SPAG16: variants seen among roughly 807,000 people sequenced by gnomAD.
SPAG16 encodes the protein sperm associated antigen 16, also known as sperm-associated antigen 16 protein.
A neutral mutation model predicts 80.4 loss-of-function variants in SPAG16; 86 were observed. The ratio of observed to expected loss-of-function variants is 1.07; its 90% CI spans 0.90 to 1.28. SPAG16 has a LOEUF of 1.28. Among genes scored for constraint, SPAG16 ranks in the 50% most tolerant of loss-of-function variants. SPAG16 has a pLI of 0.00. For missense variants in SPAG16, 870 were observed against 765.3 expected, an observed-to-expected ratio of 1.14 and a Z score of -1.61; for synonymous variants, 294 against 265.9, an observed-to-expected ratio of 1.11 and a Z score of -1.03.
intron 9 of SPAG16, chr2:213,422,163 G>T (rs1469602856): frequency 1.4e-6 from 1 of 700,162 alleles, no homozygotes; most frequent in African/African-American, 1.7e-5. Flanking sequence ...GAAGAGCTGT[G>T]GCCCTTCAGG....
chr2:213,988,432 T>A (rs2046122946), intron 12 of SPAG16, among the ~76,000 whole-genome samples: 1 of 152,010 alleles, frequency 6.6e-6, no homozygotes, highest in African/African-American at 2.4e-5. Flanking sequence ...AAATTAGAAA[T>A]CGATAAAGAT....
chr2:213,976,135 T>TATATATATATATATATACACACACAC (rs749957411), intron 12 of SPAG16, among the ~76,000 whole-genome samples: 12 of 81,402 alleles, frequency 1.5e-4, no homozygotes, highest in East Asian at 7.6e-4. Context: ...TATATATATA[T>TATATATATATATATATACACACACAC]ACACACACAC....
chr2:213,872,137 T>C (rs1237626298), intron 11 of SPAG16, among the ~76,000 whole-genome samples: 1 of 152,132 alleles, frequency 6.6e-6, no homozygotes, highest in Non-Finnish European at 1.5e-5. Context: ...ATTATCTAGG[T>C]TGACCCACTG....
At chr2:214,119,448 C>G (rs1487489971) in intron 14 of SPAG16, among the ~76,000 whole-genome samples, 1 of 152,014 alleles carries the variant, frequency 6.6e-6, no homozygotes, top group Admixed American at 6.6e-5. Flanking sequence ...AAAATTCAAT[C>G]TAAAGGAAAA....
intron 9 of SPAG16, among the ~76,000 whole-genome samples, chr2:213,456,183 C>T (rs2072001206): frequency 6.6e-6 from 1 of 152,172 alleles, no homozygotes; most frequent in Non-Finnish European, 1.5e-5. Flanking sequence ...TAAGTTTTTT[C>T]ATGTCTCCCA....
chr2:213,993,897 G>A (rs16851244), intron 12 of SPAG16, among the ~76,000 whole-genome samples: 2,181 of 152,222 alleles, frequency 0.014, 58 homozygotes, highest in African/African-American at 0.049. Context: ...TCCTAAGCTG[G>A]CCACTTTGTT....
At chr2:214,269,504 G>GATC (rs1315321013) in intron 15 of SPAG16, among the ~76,000 whole-genome samples, 1 of 151,868 alleles carries the variant, frequency 6.6e-6, no homozygotes, top group African/African-American at 2.4e-5. Flanking sequence ...TTTATTTTTT[G>GATC]ATCAGTGAAA....
chr2:213,834,759 T>G (rs2073984417), intron 10 of SPAG16, among the ~76,000 whole-genome samples: 1 of 152,156 alleles, frequency 6.6e-6, no homozygotes, highest in South Asian at 2.1e-4. Flanking sequence ...TGGGGTATCA[T>G]TTTCTGAGTC....
chr2:213,607,650 C>T (rs1341506237), intron 10 of SPAG16, among the ~76,000 whole-genome samples: 1 of 152,218 alleles, frequency 6.6e-6, no homozygotes, highest in Non-Finnish European at 1.5e-5. Flanking sequence ...CCGGAATCTA[C>T]TGATTCAAAA....
chr2:213,648,922 T>C (rs1160808624), intron 10 of SPAG16, among the ~76,000 whole-genome samples: 1 of 152,156 alleles, frequency 6.6e-6, no homozygotes. Context: ...TGACAGACCC[T>C]ACCATAACCA....
rs988045635 is a variant in SPAG16, at chr2:213,717,446, C to T, written c.1071-145039C>T. On this transcript the variant is annotated intron_variant, in intron 10 of 15. Coordinates refer to ENST00000331683, the MANE Select transcript of SPAG16 (RefSeq NM_024532.5). ...AAGTGCTGGGATTACAGGTGTGAGC[C>T]ACTGCGCCCGGCAAAAGTAGGACCT... Among the ~76,000 whole-genome samples, 7 of 152,228 alleles carry T rather than the reference C, an allele frequency of 4.6e-5. 1 individual carries two copies. In the South Asian group the frequency reaches 8.3e-4, roughly 18 times the overall value.
chr2:214,365,817 T>A (rs1300808682), intron 15 of SPAG16, among the ~76,000 whole-genome samples: 1 of 152,172 alleles, frequency 6.6e-6, no homozygotes, highest in East Asian at 1.9e-4. Context: ...TGTTTCTTTC[T>A]ACAAGTGACA....
chr2:213,590,824 A>G (rs2060661186), intron 10 of SPAG16, among the ~76,000 whole-genome samples: 1 of 152,148 alleles, frequency 6.6e-6, no homozygotes, highest in Non-Finnish European at 1.5e-5. Flanking sequence ...AAAATAAATC[A>G]TTTTACCAAA....
chr2:213,313,295 A>G (rs1473714184), intron 4 of SPAG16, among the ~76,000 whole-genome samples: 1 of 151,978 alleles, frequency 6.6e-6, no homozygotes, highest in South Asian at 2.1e-4. Flanking sequence ...CAAAATTAAT[A>G]ACATGTTTAT....
At chr2:213,877,153 T>C (rs2076172132) in intron 11 of SPAG16, among the ~76,000 whole-genome samples, 1 of 152,150 alleles carries the variant, frequency 6.6e-6, no homozygotes, top group African/African-American at 2.4e-5. Flanking sequence ...CCCCAAACTC[T>C]TTTCTTCATC....
intron 15 of SPAG16, among the ~76,000 whole-genome samples, chr2:214,274,355 G>A (rs1692285210): frequency 6.6e-6 from 1 of 152,186 alleles, no homozygotes; most frequent in Admixed American, 6.5e-5. Flanking sequence ...GTGAGAGAGG[G>A]CATCCCTATC....
intron 12 of SPAG16, among the ~76,000 whole-genome samples, chr2:213,970,648 G>T (rs1230884987): frequency 6.6e-6 from 1 of 152,154 alleles, no homozygotes; most frequent in African/African-American, 2.4e-5. Flanking sequence ...GAACATGACT[G>T]GGCATATGTT....
In SPAG16 at chr2:214,388,666, T is replaced by C. The variant is rs1352867158; in HGVS notation, c.1721-21474T>C. Among the ~76,000 whole-genome samples, 8 of 152,304 alleles carry C rather than the reference T, an allele frequency of 5.3e-5. No homozygotes were observed. In the East Asian group the frequency reaches 1.5e-3, roughly 29 times the overall value. ...TTTATTTTCATTATTACAGCAATAA[T>C]GCACTACTTTTAAATTTCAATCCCA... On this transcript the variant is annotated intron_variant, in intron 15 of 15. Transcript: ENST00000331683.
intron 10 of SPAG16, among the ~76,000 whole-genome samples, chr2:213,636,482 T>A (rs1350845773): frequency 1.3e-5 from 2 of 152,216 alleles, no homozygotes; most frequent in Non-Finnish European, 2.9e-5. Context: ...TTTTTCTAGT[T>A]CTGTAAAGAA....
Sources: gnomAD v4.1 joint callset for allele counts (sites outside exome capture counted in the v4.1 genomes callset) on GRCh38, gnomAD v4.1.1 for gene constraint, MANE v1.5 for transcripts, NCBI Gene and HGNC (gene_info 2026-07-23, HGNC 2026-07-21) for gene names.